The following LMF1 variants were observed in gnomAD, a reference collection of about 807,000 sequenced individuals.
LMF1 encodes transmembrane protein 112.
Under a neutral mutation model 60.6 loss-of-function variants are expected in LMF1, and 68 were observed. The ratio of observed to expected loss-of-function variants is 1.12; its 90% CI spans 0.92 to 1.37. LMF1 has a LOEUF of 1.37. Ranked by LOEUF, LMF1 falls within the 40% of genes most tolerant of loss-of-function variation. The pLI is 0.00. For missense variants in LMF1, 948 were observed against 767.2 expected, an observed-to-expected ratio of 1.24 and a Z score of -2.78; for synonymous variants, 418 against 324.7, an observed-to-expected ratio of 1.29 and a Z score of -3.09.
chr16:877,659 G>A (rs919363032), intron 6 of LMF1, among the ~76,000 whole-genome samples: 14 of 152,158 alleles, frequency 9.2e-5, no homozygotes, highest in African/African-American at 2.2e-4. Context: ...ACCCACAGCC[G>A]GCATCGTGAG....
At chr16:939,688 C>G (rs760637442) in intron 2 of LMF1, among the ~76,000 whole-genome samples, 1 of 152,216 alleles carries the variant, frequency 6.6e-6, no homozygotes, top group Non-Finnish European at 1.5e-5. Context: ...TGTAAGACAA[C>G]GTCGGCGAGA....
Position 895,338 on chromosome 16 carries a change from G to A in LMF1, c.664-2266C>T, listed in dbSNP as rs114740170. ...TCAGCCCATCACGGGCTGTAGCCAC[G>A]TCTGCGAAACATTAATACCTCCCAG... On this transcript the variant is annotated intron_variant, in intron 4 of 10. Coordinates refer to ENST00000262301, the MANE Select transcript of LMF1 (RefSeq NM_022773.4). Among the ~76,000 whole-genome samples, 356 of 152,346 alleles carry A rather than the reference G, an allele frequency of 2.3e-3. 3 individuals carry two copies. Among genetic ancestry groups the A allele is most frequent in the African/African-American group, 8.3e-3 (346 of 41,582 alleles).
chr16:914,698 CA>C (rs2071228627), intron 3 of LMF1, among the ~76,000 whole-genome samples: 1 of 86,322 alleles, frequency 1.2e-5, no homozygotes, highest in Non-Finnish European at 2.2e-5. Flanking sequence ...ATTGGTGACA[CA>C]CTCCCTCCCA....
intron 3 of LMF1, chr16:921,286 T>C (rs1016271705): frequency 1.3e-5 from 2 of 152,228 alleles, no homozygotes; most frequent in African/African-American, 4.8e-5. Flanking sequence ...GTTCCCCTTT[T>C]CAGACAGCGC....
intron 4 of LMF1, among the ~76,000 whole-genome samples, chr16:898,197 C>T (rs866552124): frequency 2.6e-5 from 4 of 152,264 alleles, no homozygotes; most frequent in South Asian, 2.1e-4. Flanking sequence ...ACTGGCTGGG[C>T]TCTAACTTGC....
At chr16:947,818 A>C (rs967281037) in intron 2 of LMF1, among the ~76,000 whole-genome samples, 4 of 152,242 alleles carry the variant, frequency 2.6e-5, no homozygotes, top group Admixed American at 6.5e-5. Flanking sequence ...AGACAACGAC[A>C]GAGTCAGCCA....
chr16:860,231 T>C (rs914243938), intron 10 of LMF1, among the ~76,000 whole-genome samples: 2 of 152,138 alleles, frequency 1.3e-5, no homozygotes, highest in Non-Finnish European at 2.9e-5. Context: ...ATGGAGCAAA[T>C]GCTTTTAATT....
chr16:854,021 G>A lies in LMF1; in HGVS notation c.*511C>T, dbSNP rs778630908. 3.1e-5 allele frequency: 14 copies of A among 454,352 alleles called. No homozygotes were observed. The highest frequency in any genetic ancestry group is 1.6e-4 in the South Asian group (10 of 64,480). 28.1% of individuals were successfully genotyped at this position (454,352 alleles called of 1,614,324 possible). A position where few individuals can be genotyped will look rare whatever the true frequency, so the allele number is the denominator to read the frequency against. On this transcript the variant is annotated 3_prime_UTR_variant, in exon 11 of 11. Transcript: ENST00000262301. Reference sequence around the variant, plus strand: ...ATCCAACCCCACATCCTGGCCGGGCGTGTCCAGGTCCCTGTGGGGCGAGGG... The same window carrying A: ...ATCCAACCCCACATCCTGGCCGGGCATGTCCAGGTCCCTGTGGGGCGAGGG...
At chr16:978,074 CAT>C (rs2073215708) in intron 1 of LMF1, among the ~76,000 whole-genome samples, 1 of 142,364 alleles carries the variant, frequency 7.0e-6, no homozygotes. Context: ...ACCCTGCACA[CAT>C]ACACCACACC....
chr16:855,175 G>A (rs1342835495), intron 10 of LMF1: 3 of 250,898 alleles, frequency 1.2e-5, no homozygotes, highest in East Asian at 1.0e-4. Context: ...TTCGGTCCAC[G>A]GGGCAGTCCG....
In LMF1 at chr16:878,492, C is replaced by T. The variant is rs2070059721; in HGVS notation, c.897+1078G>A. Among the ~76,000 whole-genome samples, 1 of 152,170 alleles carries T rather than the reference C, an allele frequency of 6.6e-6. No homozygotes were observed. The highest frequency in any genetic ancestry group is 6.5e-5 in the Admixed American group (1 of 15,284). On this transcript the variant is annotated intron_variant, in intron 6 of 10. Coordinates refer to ENST00000262301, the MANE Select transcript of LMF1 (RefSeq NM_022773.4). The surrounding 1 kb of genome is among the most constrained non-coding windows in gnomAD (Gnocchi z 5.2). The stretch of plus-strand genomic sequence containing the variant: ...AGGCCTGCTCACGATACAGTAGCGC[C>T]CTTGAAAATACATCCACAGGATGAC...
rs1469814341 is a variant in LMF1 at position 853,941 on chromosome 16, G to T, written c.*591C>A. The T allele has an allele frequency of 2.2e-6, 1 of 454,138 alleles. No individual in the cohort carries two copies. The allele number at this position is 454,138 out of a possible 1,614,324, so 28.1% of individuals were successfully genotyped here. On this transcript the variant is annotated 3_prime_UTR_variant, in exon 11 of 11. Coordinates refer to ENST00000262301, the MANE Select transcript of LMF1 (RefSeq NM_022773.4). ...AGGCTGTGTGTGCCTGCATGTGTGG[G>T]ATGCGTGTAGGCTGTGGCGGGGGTG...
At chr16:928,672 G>A (rs2071680464) in intron 3 of LMF1, among the ~76,000 whole-genome samples, 1 of 151,392 alleles carries the variant, frequency 6.6e-6, no homozygotes, top group Non-Finnish European at 1.5e-5. Flanking sequence ...TTCCCTGCAC[G>A]AGCCCATCCC....
chr16:892,718 G>A (rs569606018), intron 5 of LMF1, among the ~76,000 whole-genome samples: 6 of 152,336 alleles, frequency 3.9e-5, no homozygotes, highest in East Asian at 3.9e-4. Flanking sequence ...GGGCCGGCCC[G>A]GAGGCCTGGG....
At chr16:975,298 C>T (rs1045475550), upstream of LMF1, among the ~76,000 whole-genome samples, 7 of 152,184 alleles carry the variant, frequency 4.6e-5, no homozygotes, top group African/African-American at 1.7e-4. Flanking sequence ...GTTGCAGGGC[C>T]CTATGTTAGG....
At chr16:860,872 A>G (rs992840427) in intron 10 of LMF1, among the ~76,000 whole-genome samples, 4 of 152,112 alleles carry the variant, frequency 2.6e-5, no homozygotes, top group Non-Finnish European at 5.9e-5. Context: ...TGTGTTGACT[A>G]CTGTAGTTCT....
At chr16:889,341 G>A (rs571323592) in intron 5 of LMF1, among the ~76,000 whole-genome samples, 41 of 151,984 alleles carry the variant, frequency 2.7e-4, no homozygotes, top group Admixed American at 2.5e-3. Flanking sequence ...AGCGGTGAGT[G>A]TGGGGTGTGA....
rs759015041 is a variant in LMF1 at position 870,046 on chromosome 16, T to C, written c.1253A>G (p.Glu418Gly). 6.2e-7 allele frequency: 1 copy of C among 1,610,202 alleles called. No individual in the cohort carries two copies. Among genetic ancestry groups the C allele is most frequent in the Non-Finnish European group, 8.5e-7 (1 of 1,179,602 alleles). ...AFGSITKERA[E>G]VILQGTASSN... ...GCTGGCTGTGCCCTGCAGGATCACC[T>C]CCGCCCGCTCCTTGGTGATGCTGCC... The change falls in exon 9 of 11, where the codon GAG (glutamate) becomes GGG (glycine). Residue 418 changes from glutamate to glycine, a missense_variant. By Grantham distance (98) the Glu-to-Gly change is moderately conservative. Transcript: ENST00000262301.
intron 5 of LMF1, among the ~76,000 whole-genome samples, chr16:885,490 A>G (rs2070281682): frequency 6.6e-6 from 1 of 152,206 alleles, no homozygotes; most frequent in South Asian, 2.1e-4. Flanking sequence ...CGCCAGCTCT[A>G]AGAGATCCGC....
Sources: allele counts gnomAD v4.1 joint callset (sites outside exome capture counted in the v4.1 genomes callset), GRCh38; gene constraint gnomAD v4.1.1; non-coding constraint Gnocchi (gnomAD v3.1); transcripts MANE v1.5; gene names NCBI Gene and HGNC (gene_info 2026-07-23, HGNC 2026-07-21).